The following DYNC2I1 variants were observed in gnomAD, a reference collection of about 807,000 sequenced individuals.
The protein encoded by DYNC2I1 is cytoplasmic dynein 2 intermediate chain 1.
A neutral mutation model predicts 133.4 loss-of-function variants in DYNC2I1; 89 were observed. That is an observed-to-expected ratio of 0.67 (90% CI 0.56 to 0.80). The LOEUF (loss-of-function observed/expected upper bound fraction) is 0.80. DYNC2I1 is among the 30% of genes least tolerant of loss of function. The pLI, the probability that DYNC2I1 is intolerant of heterozygous loss-of-function variation, is 0.00. For missense variants in DYNC2I1, 1,291 were observed against 1,314.5 expected (o/e 0.98, Z 0.28); for synonymous variants, 504 against 484.3 (o/e 1.04, Z -0.54).
intron 8 of DYNC2I1, among the ~76,000 whole-genome samples, chr7:158,891,754 G>C (rs542543649): frequency 6.6e-6 from 1 of 152,236 alleles, no homozygotes; most frequent in Non-Finnish European, 1.5e-5. Context: ...CAAAAGACAC[G>C]ATCCAGGCCA....
At chr7:158,911,424 C>G in intron 11 of DYNC2I1, 126 bp from the exon 12 acceptor site, 1 of 1,048,380 alleles carries the variant, frequency 9.5e-7, no homozygotes, top group Non-Finnish European at 1.4e-6. Context: ...TCAGACTCAC[C>G]CCAGCCTGAA....
intron 17 of DYNC2I1, among the ~76,000 whole-genome samples, chr7:158,925,473 G>T (rs1486036880): frequency 2.6e-5 from 4 of 152,082 alleles, no homozygotes; most frequent in African/African-American, 9.7e-5. Context: ...TTGTTTTTAG[G>T]AGGGATAATT....
rs1427797780 is a variant in DYNC2I1 at position 158,922,360 on chromosome 7, A to G, written c.1922-17A>G. 6.2e-7 allele frequency: 1 copy of G among 1,606,466 alleles called. No homozygotes were observed. Among genetic ancestry groups the G allele is most frequent in the African/African-American group, 1.3e-5 (1 of 74,508 alleles). Reference sequence around the variant, plus strand: ...TGGCAGGTCGTTGAAATGTGAACATATTTTTCTTCTCCCTAGATCGAAAAG... The same window carrying G: ...TGGCAGGTCGTTGAAATGTGAACATGTTTTTCTTCTCCCTAGATCGAAAAG... On this transcript the variant is annotated splice_polypyrimidine_tract_variant and intron_variant, in intron 15 of 24. Coordinates refer to ENST00000407559, the MANE Select transcript of DYNC2I1 (RefSeq NM_018051.5).
At chr7:158,872,430 C>T (rs896108698) in intron 3 of DYNC2I1, among the ~76,000 whole-genome samples, 2 of 152,016 alleles carry the variant, frequency 1.3e-5, no homozygotes, top group East Asian at 1.9e-4. Flanking sequence ...GTCAGGAGTT[C>T]GAAACCAGTC....
intron 1 of DYNC2I1, 97 bp from the exon 2 acceptor site, chr7:158,869,758 A>G: frequency 1.2e-6 from 1 of 852,272 alleles, no homozygotes; most frequent in East Asian, 2.7e-5. Flanking sequence ...TCAAGAATTA[A>G]CTGCCATTGA....
At chr7:158,868,120 T>C (rs1389997538) in intron 1 of DYNC2I1, among the ~76,000 whole-genome samples, 1 of 152,078 alleles carries the variant, frequency 6.6e-6, no homozygotes, top group Non-Finnish European at 1.5e-5. Context: ...GAGTGTGACA[T>C]AGAATCTGGC....
rs534025874 is a variant in DYNC2I1, at chr7:158,891,177, G to C, written c.991-88G>C. 23 of 1,460,130 alleles carry C rather than the reference G, an allele frequency of 1.6e-5. No homozygotes were observed. The African/African-American group carries it at 2.2e-4, about 14-fold the overall frequency. 90.4% of individuals were successfully genotyped at this position (1,460,130 alleles called of 1,614,324 possible). On this transcript the variant is annotated intron_variant, in intron 7 of 24. Coordinates refer to ENST00000407559, the MANE Select transcript of DYNC2I1 (RefSeq NM_018051.5). The stretch of plus-strand genomic sequence containing the variant: ...TGTTTGCTGAGGGCTGGCGGGCTCC[G>C]CAGTGGTGGGGTGGGGGGGAGCTGC...
chr7:158,894,032 TATC>T (rs1244028270), intron 8 of DYNC2I1, among the ~76,000 whole-genome samples: 7 of 152,100 alleles, frequency 4.6e-5, no homozygotes, highest in South Asian at 4.1e-4. Context: ...TCCTACCACA[TATC>T]ATACCACATA....
chr7:158,862,210 A>T (rs1189171624), intron 1 of DYNC2I1, among the ~76,000 whole-genome samples: 4 of 152,224 alleles, frequency 2.6e-5, no homozygotes, highest in Non-Finnish European at 5.9e-5. Flanking sequence ...AAAATTAATT[A>T]TAGAGACTAT....
intron 8 of DYNC2I1, among the ~76,000 whole-genome samples, chr7:158,899,854 A>G (rs1241276560): frequency 2.0e-5 from 3 of 152,108 alleles, no homozygotes; most frequent in African/African-American, 7.2e-5. Context: ...AGTCTCGGTT[A>G]TGTCTTTATC....
intron 6 of DYNC2I1, among the ~76,000 whole-genome samples, chr7:158,885,183 C>T (rs1844472066): frequency 6.6e-6 from 1 of 152,216 alleles, no homozygotes; most frequent in East Asian, 1.9e-4. Context: ...CGCCCTCAGG[C>T]CTTGGCAGAG....
rs182813449 is a variant in DYNC2I1, at chr7:158,870,156, G to A, written c.69+248G>A. Among the ~76,000 whole-genome samples the A allele has an allele frequency of 3.2e-4, 49 of 152,286 alleles. No individual in the cohort carries two copies. The East Asian group carries it at 8.7e-3, about 27-fold the overall frequency. On this transcript the variant is annotated intron_variant, in intron 2 of 24. Transcript: ENST00000407559. ...GGGCCTCCGCACTGCTTTAGGGCAGGGAGTGCTCACTTCAGGGGCCGCAGC... is the reference window on the plus strand; with the variant it reads ...GGGCCTCCGCACTGCTTTAGGGCAGAGAGTGCTCACTTCAGGGGCCGCAGC...
At chr7:158,921,083 G>A (rs1428367609) in intron 15 of DYNC2I1, among the ~76,000 whole-genome samples, 1 of 152,184 alleles carries the variant, frequency 6.6e-6, no homozygotes, top group African/African-American at 2.4e-5. Context: ...CTTGTGTTTC[G>A]CTGGGTCAAG....
chr7:158,894,089 G>C (rs544640364), intron 8 of DYNC2I1, among the ~76,000 whole-genome samples: 2 of 151,868 alleles, frequency 1.3e-5, no homozygotes, highest in African/African-American at 4.8e-5. Context: ...ATATTATACC[G>C]TATAGCAAAG....
At chr7:158,866,012 G>A (rs901728504) in intron 1 of DYNC2I1, among the ~76,000 whole-genome samples, 1 of 152,140 alleles carries the variant, frequency 6.6e-6, no homozygotes, top group African/African-American at 2.4e-5. Context: ...TTTTCATACT[G>A]AAAAGTAGAG....
intron 4 of DYNC2I1, among the ~76,000 whole-genome samples, chr7:158,955,867 A>G (rs369277262): frequency 1.3e-5 from 2 of 152,362 alleles, no homozygotes; most frequent in South Asian, 4.1e-4. Context: ...AGGGATGGGA[A>G]GGTCAAAGGC....
At chr7:158,922,338 C>A in intron 15 of DYNC2I1, 39 bp from the exon 16 acceptor site, 3 of 1,584,310 alleles carry the variant, frequency 1.9e-6, no homozygotes, top group Non-Finnish European at 2.6e-6. Flanking sequence ...TGGATTCTGG[C>A]AGGTCGTTGA....
intron 8 of DYNC2I1, among the ~76,000 whole-genome samples, chr7:158,891,998 C>T (rs148057927): frequency 0.016 from 2,368 of 152,114 alleles, 28 homozygotes; most frequent in Non-Finnish European, 0.023. Flanking sequence ...GGGCTCTCCT[C>T]GGGGCAGGTG....
the DYNC2I1 span, among the ~76,000 whole-genome samples, chr7:158,846,798 T>A: frequency 6.6e-6 from 1 of 152,340 alleles, no homozygotes; most frequent in South Asian, 2.1e-4. Context: ...ATGGTAACTC[T>A]CTCCTTCTCC....
Sources: allele counts gnomAD v4.1 joint callset (sites outside exome capture counted in the v4.1 genomes callset), GRCh38; gene constraint gnomAD v4.1.1; transcripts MANE v1.5; gene names NCBI Gene and HGNC (gene_info 2026-07-23, HGNC 2026-07-21).